The following RELN variants were observed in gnomAD, a reference collection of about 807,000 sequenced individuals.
RELN encodes reelin.
Under a neutral mutation model 427.6 loss-of-function variants are expected in RELN, and 108 were observed. The observed-to-expected ratio is 0.25, with a 90% CI of 0.22 to 0.30. The LOEUF (loss-of-function observed/expected upper bound fraction) is 0.30. Ranked by LOEUF, RELN falls within the 10% of genes least tolerant of loss-of-function variation. The pLI, the probability that RELN is intolerant of heterozygous loss-of-function variation, is 1.00. For synonymous variants in RELN, 1,524 were observed against 1,513.4 expected (o/e 1.01, Z -0.16); for missense variants, 3,715 against 4,302.8 (o/e 0.86, Z 3.82).
chr7:103,677,215 G>C (rs1192926545), intron 11 of RELN, among the ~76,000 whole-genome samples: 1 of 143,918 alleles, frequency 6.9e-6, no homozygotes, highest in Non-Finnish European at 1.5e-5. Context: ...TGAACAATAA[G>C]AACACATGGA....
chr7:103,945,167 A>G (rs1253499401), intron 1 of RELN, among the ~76,000 whole-genome samples: 1 of 152,146 alleles, frequency 6.6e-6, no homozygotes, highest in South Asian at 2.1e-4. Context: ...GAGCTCCCAG[A>G]GGGAGCTCTC....
rs74859869 is a variant in RELN at position 103,836,900 on chromosome 7, C to A, written c.338-3228G>T. The stretch of plus-strand genomic sequence containing the variant: ...TCCTTAAAAGCACAAAGCAGGTCTA[C>A]TAATCCACATTCCTCTAGCATCTAG... On this transcript the variant is annotated intron_variant, in intron 2 of 64. Transcript: ENST00000428762. 3.7e-3 allele frequency among the ~76,000 whole-genome samples: 567 copies of A among 152,328 alleles called. 18 individuals are homozygous for A. In the East Asian group the frequency reaches 0.061, roughly 17 times the overall value.
At chr7:103,876,265 G>A (rs1794475739) in intron 2 of RELN, among the ~76,000 whole-genome samples, 1 of 152,088 alleles carries the variant, frequency 6.6e-6, no homozygotes, top group African/African-American at 2.4e-5. Flanking sequence ...AAATACATTA[G>A]CTTCATCCTC....
intron 57 of RELN, among the ~76,000 whole-genome samples, chr7:103,494,590 T>G (rs1238749435): frequency 6.7e-6 from 1 of 148,746 alleles, no homozygotes; most frequent in Non-Finnish European, 1.5e-5. Flanking sequence ...TTGCTATGTT[T>G]CCCAGGATGG....
At chr7:103,951,540 T>C (rs1337889468) in intron 1 of RELN, among the ~76,000 whole-genome samples, 3 of 152,202 alleles carry the variant, frequency 2.0e-5, no homozygotes, top group African/African-American at 7.2e-5. Context: ...GACCTTCCTT[T>C]CACCCTAGTT....
At chr7:103,515,499 G>A in intron 49 of RELN, 58 bp from the exon 50 acceptor site, 1 of 1,555,760 alleles carries the variant, frequency 6.4e-7, no homozygotes, top group Non-Finnish European at 8.6e-7. Flanking sequence ...TATCTTCTCT[G>A]AGTAAAAGAT....
In RELN at chr7:103,988,133, G is replaced by C. The variant is rs907821533; in HGVS notation, c.226+998C>G. Among the ~76,000 whole-genome samples, 2 of 152,104 alleles carry C rather than the reference G, an allele frequency of 1.3e-5. No individual in the cohort carries two copies. The highest frequency in any genetic ancestry group is 4.8e-5 in the African/African-American group (2 of 41,404). On this transcript the variant is annotated intron_variant, in intron 1 of 64. Transcript: ENST00000428762. The surrounding 1 kb of genome is among the most constrained non-coding windows in gnomAD (Gnocchi z 4.9). ...ATTTGGTTGGGTATAAATATTTTGGGGTTGAAATTCTAATTAAATAGTGCC... is the reference window on the plus strand; with the variant it reads ...ATTTGGTTGGGTATAAATATTTTGGCGTTGAAATTCTAATTAAATAGTGCC...
chr7:103,989,127 C>T lies in RELN; in HGVS notation c.226+4G>A, dbSNP rs749125854. On this transcript the variant is annotated splice_donor_region_variant and intron_variant, in intron 1 of 64. Transcript: ENST00000428762. This position sits in a 1 kb window ranked among gnomAD's most constrained non-coding sequence, Gnocchi z 4.9. ...GGCGAGCGCGGAGGTGCTGCGGTAC[C>T]TACCATGGTATTCTTGTCCCGGAAC... The T allele has an allele frequency of 3.7e-6, 6 of 1,613,508 alleles. No individual in the cohort carries two copies. The Admixed American group carries it at 6.7e-5, about 18-fold the overall frequency.
intron 2 of RELN, among the ~76,000 whole-genome samples, chr7:103,901,727 T>C (rs1490800437): frequency 6.6e-6 from 1 of 152,040 alleles, no homozygotes; most frequent in Non-Finnish European, 1.5e-5. Context: ...GACTAGTGGC[T>C]GCCTGGGGAT....
chr7:103,540,197 C>G lies in RELN; in HGVS notation c.6930G>C (p.Gln2310His). Residue 2310 changes from glutamine (Q) to histidine (H), a missense_variant and splice_region_variant, in exon 44 of 65, where the codon CAG becomes CAC. Transcript: ENST00000428762. ...AATAGTTAATCCTGAAGGGACTGAC[C>G]TGATCGATAACCCAGGGGCTGTAGA... is the stretch of plus-strand genomic sequence containing the variant. ...GHFYSPWVID[Q>H]ILIGGNISGN... 6.2e-7 allele frequency: 1 copy of G among 1,614,196 alleles called. No individual in the cohort carries two copies.
At chr7:103,743,086 G>A (rs1489046561) in intron 6 of RELN, among the ~76,000 whole-genome samples, 1 of 149,518 alleles carries the variant, frequency 6.7e-6, no homozygotes, top group African/African-American at 2.6e-5. Flanking sequence ...CTCCAAGCCA[G>A]AAGAGAGTGG....
intron 3 of RELN, among the ~76,000 whole-genome samples, chr7:103,778,599 T>A (rs562364168): frequency 6.6e-6 from 1 of 152,216 alleles, no homozygotes; most frequent in Non-Finnish European, 1.5e-5. Flanking sequence ...ATATCAGATA[T>A]ACCAACATCT....
intron 8 of RELN, among the ~76,000 whole-genome samples, chr7:103,709,494 T>C (rs1215404796): frequency 6.6e-6 from 1 of 152,260 alleles, no homozygotes; most frequent in Non-Finnish European, 1.5e-5. Context: ...TCATGGTTCA[T>C]TGTTGTTACC....
chr7:103,750,480 G>A (rs477444), intron 5 of RELN, among the ~76,000 whole-genome samples: 74,625 of 151,948 alleles, frequency 0.49, 18,524 homozygotes, highest in Non-Finnish European at 0.54. Flanking sequence ...TATTAGCAGC[G>A]TGAGAATGAA....
Position 103,731,137 on chromosome 7 carries a change from C to A in RELN, c.657-2930G>T, listed in dbSNP as rs114440874. 7.1e-3 allele frequency among the ~76,000 whole-genome samples: 1,087 copies of A among 152,216 alleles called. 19 individuals carry two copies. Among genetic ancestry groups the A allele is most frequent in the African/African-American group, 0.025 (1,039 of 41,530 alleles). On this transcript the variant is annotated intron_variant, in intron 6 of 64. Transcript: ENST00000428762. ...GCTCTTCACTCATAACAGGAGCATA[C>A]ACTGGTTGCGATGGTACCTAATGCA...
rs1259970188 is a variant in RELN at position 103,498,099 on chromosome 7, C to G, written c.8821G>C (p.Asp2941His). ...TACTTTGCACCTCGAAGATCCAAAT[C>G]TTGTGTAACCGCTTGTCTCACAGTG... is the stretch of plus-strand genomic sequence containing the variant. Reference protein sequence around the residue: ...GSTVRQAVTQDLDLRGAKFLQ... With the variant: ...GSTVRQAVTQHLDLRGAKFLQ... The change falls in exon 54 of 65, where the codon GAT becomes CAT. Residue 2941 changes from aspartate to histidine, a missense_variant. Asp to His is a moderately conservative substitution (Grantham distance 81). Transcript: ENST00000428762. 6.2e-7 allele frequency: 1 copy of G among 1,614,166 alleles called. No individual in the cohort carries two copies. The highest frequency in any genetic ancestry group is 1.1e-5 in the South Asian group (1 of 91,090).
intron 12 of RELN, among the ~76,000 whole-genome samples, chr7:103,657,074 G>A (rs552198693): frequency 5.3e-5 from 8 of 152,112 alleles, no homozygotes; most frequent in South Asian, 2.1e-4. Context: ...CACATGTTAG[G>A]CACATGTAAT....
intron 22 of RELN, among the ~76,000 whole-genome samples, chr7:103,608,427 G>A (rs1831869567): frequency 6.6e-6 from 1 of 151,046 alleles, no homozygotes; most frequent in African/African-American, 2.4e-5. Context: ...TTTTTTCCAG[G>A]GCTTTGAAGG....
intron 40 of RELN, among the ~76,000 whole-genome samples, chr7:103,552,591 C>T (rs1437385415): frequency 6.6e-6 from 1 of 151,014 alleles, no homozygotes; most frequent in Admixed American, 6.6e-5. Flanking sequence ...CAACCTCCAC[C>T]TCCCATGTTC....
Sources: gnomAD v4.1 joint callset for allele counts (sites outside exome capture counted in the v4.1 genomes callset) on GRCh38, gnomAD v4.1.1 for gene constraint, Gnocchi (gnomAD v3.1) non-coding constraint, MANE v1.5 for transcripts, NCBI Gene and HGNC (gene_info 2026-07-23, HGNC 2026-07-21) for gene names.